The following ARID1B variants were observed in gnomAD, a reference collection of about 807,000 sequenced individuals.
The protein encoded by ARID1B is AT-rich interaction domain 1B.
ARID1B carries 30 observed loss-of-function variants against 212.3 expected under a neutral mutation model. That is an observed-to-expected ratio of 0.14 (90% CI 0.11 to 0.19). The LOEUF (loss-of-function observed/expected upper bound fraction) is 0.19, where lower values mean the gene tolerates loss of function less well. Among genes scored for constraint, ARID1B ranks in the 10% least tolerant of loss-of-function variants. ARID1B has a pLI of 1.00. For synonymous variants in ARID1B, 1,402 were observed against 1,301.7 expected (o/e 1.08, Z -1.66); for missense variants, 2,891 against 3,204.0 (o/e 0.90, Z 2.36).
intron 3 of ARID1B, among the ~76,000 whole-genome samples, chr6:156,906,866 A>C (rs990484002): frequency 6.6e-6 from 1 of 152,198 alleles, no homozygotes; most frequent in Non-Finnish European, 1.5e-5. Flanking sequence ...GATTATTCTT[A>C]CATACCTTAT....
chr6:157,078,012 T>C (rs1251692582), intron 4 of ARID1B, among the ~76,000 whole-genome samples: 2 of 152,192 alleles, frequency 1.3e-5, no homozygotes, highest in African/African-American at 4.8e-5. Flanking sequence ...CCTGGAATAA[T>C]AAAGGGCCAG....
chr6:157,090,930 T>C (rs1037200062), intron 5 of ARID1B, among the ~76,000 whole-genome samples: 3 of 151,790 alleles, frequency 2.0e-5, no homozygotes, highest in Non-Finnish European at 4.4e-5. Context: ...TGATCACCTC[T>C]GCACGTGTGC....
At chr6:156,938,813 C>G (rs950856516) in intron 4 of ARID1B, 25 of 152,296 alleles carry the variant, frequency 1.6e-4, no homozygotes, top group African/African-American at 5.8e-4. Flanking sequence ...GCAAGTTGTC[C>G]TCACTGTTGT....
chr6:156,789,101 A>G (rs1779845429), intron 1 of ARID1B, among the ~76,000 whole-genome samples: 1 of 152,186 alleles, frequency 6.6e-6, no homozygotes, highest in Non-Finnish European at 1.5e-5. Flanking sequence ...TTCCTAACGA[A>G]TGTATTATTC....
At chr6:157,171,627 A>G (rs1791722399) in intron 9 of ARID1B, among the ~76,000 whole-genome samples, 1 of 152,262 alleles carries the variant, frequency 6.6e-6, no homozygotes, top group Non-Finnish European at 1.5e-5. Flanking sequence ...AGAACCATTT[A>G]TTACTCTAAA....
chr6:156,800,771 G>T (rs1001539366), intron 1 of ARID1B, among the ~76,000 whole-genome samples: 4 of 152,114 alleles, frequency 2.6e-5, no homozygotes, highest in Middle Eastern at 3.2e-3. Flanking sequence ...GCCAGGCATG[G>T]TGGTGTGTGC....
chr6:156,836,203 G>C lies in ARID1B; in HGVS notation c.1986+6782G>C, dbSNP rs138013746. 4.8e-3 allele frequency among the ~76,000 whole-genome samples: 726 copies of C among 152,250 alleles called. 2 individuals are homozygous for C. Among genetic ancestry groups the C allele is most frequent in the Admixed American group, 9.2e-3 (141 of 15,304 alleles). ...TGGAAAGTTAAAGTGATTAAGTGACGTATCTTAGACAAGTGGTTCTCAAAC... is the reference window on the plus strand; with the variant it reads ...TGGAAAGTTAAAGTGATTAAGTGACCTATCTTAGACAAGTGGTTCTCAAAC... On this transcript the variant is annotated intron_variant, in intron 2 of 19. Transcript: ENST00000636930.
At chr6:156,908,540 C>T (rs1277927262) in intron 3 of ARID1B, among the ~76,000 whole-genome samples, 1 of 152,058 alleles carries the variant, frequency 6.6e-6, no homozygotes, top group African/African-American at 2.4e-5. Context: ...TTGCTTTCTA[C>T]TTTATTGATG....
chr6:157,032,315 T>C (rs774986850), intron 4 of ARID1B, among the ~76,000 whole-genome samples: 9 of 152,386 alleles, frequency 5.9e-5, no homozygotes, highest in Non-Finnish European at 1.3e-4. Flanking sequence ...TGCTCTATCA[T>C]GTGAATATAC....
intron 4 of ARID1B, among the ~76,000 whole-genome samples, chr6:157,031,366 G>GT (rs1411211133): frequency 6.6e-6 from 1 of 152,158 alleles, no homozygotes; most frequent in East Asian, 1.9e-4. Context: ...TGTAAGGAGA[G>GT]TATTTTTATC....
At chr6:157,176,359 C>T (rs1168026883) in intron 11 of ARID1B, among the ~76,000 whole-genome samples, 4 of 152,062 alleles carry the variant, frequency 2.6e-5, no homozygotes, top group Non-Finnish European at 4.4e-5. Context: ...AGAAGGCAGC[C>T]GACATTGTGT....
At chr6:157,110,899 C>T (rs1786858372) in intron 6 of ARID1B, 2 of 311,276 alleles carry the variant, frequency 6.4e-6, no homozygotes, top group South Asian at 5.2e-5. Flanking sequence ...GGTATCAGTC[C>T]CAATGTGTGT....
chr6:157,086,220 G>A (rs1042999463), intron 5 of ARID1B, among the ~76,000 whole-genome samples: 10 of 152,162 alleles, frequency 6.6e-5, no homozygotes, highest in African/African-American at 1.7e-4. Flanking sequence ...TTAACTAAAC[G>A]TTACATTTCT....
chr6:156,958,704 T>G (rs1024139684), intron 4 of ARID1B, among the ~76,000 whole-genome samples: 2 of 152,330 alleles, frequency 1.3e-5, no homozygotes, highest in South Asian at 4.1e-4. Flanking sequence ...TTTCCTCTTT[T>G]GTGAAATAAT....
chr6:156,814,377 G>C (rs1781819776), intron 1 of ARID1B, among the ~76,000 whole-genome samples: 1 of 152,132 alleles, frequency 6.6e-6, no homozygotes, highest in African/African-American at 2.4e-5. Context: ...CTACAGTCTG[G>C]GTGACAGAGT....
chr6:156,863,479 A>G (rs1785474854), intron 2 of ARID1B, among the ~76,000 whole-genome samples: 1 of 152,028 alleles, frequency 6.6e-6, no homozygotes, highest in Admixed American at 6.6e-5. Context: ...GATGATGATG[A>G]TAAGTTTGGT....
intron 4 of ARID1B, among the ~76,000 whole-genome samples, chr6:157,017,054 T>C (rs1056678649): frequency 1.3e-5 from 2 of 152,256 alleles, no homozygotes; most frequent in African/African-American, 4.8e-5. Flanking sequence ...TGTTTCCCTT[T>C]GCTTAGTGTG....
intron 4 of ARID1B, among the ~76,000 whole-genome samples, chr6:156,996,662 T>G (rs1248443433): frequency 6.6e-6 from 1 of 152,226 alleles, no homozygotes; most frequent in African/African-American, 2.4e-5. Context: ...GTGCTGCATT[T>G]TGGGTTTTTT....
intron 3 of ARID1B, among the ~76,000 whole-genome samples, chr6:156,925,345 T>C (rs985845097): frequency 6.6e-6 from 1 of 152,080 alleles, no homozygotes; most frequent in Non-Finnish European, 1.5e-5. Context: ...GCCTGTCCTT[T>C]TTCTAGAATG....
Sources: allele counts gnomAD v4.1 joint callset (sites outside exome capture counted in the v4.1 genomes callset), GRCh38; gene constraint gnomAD v4.1.1; transcripts MANE v1.5; gene names NCBI Gene and HGNC (gene_info 2026-07-23, HGNC 2026-07-21).